SMAP2: variants seen among roughly 807,000 people sequenced by gnomAD.
SMAP2 encodes stromal membrane-associated protein 2.
A neutral mutation model predicts 56.4 loss-of-function variants in SMAP2; 25 were observed. The observed-to-expected ratio is 0.44, with a 90% CI of 0.32 to 0.62. The LOEUF is 0.62. SMAP2 is among the 20% of genes least tolerant of loss of function. The pLI, the probability that SMAP2 is intolerant of heterozygous loss-of-function variation, is 0.04. For missense variants in SMAP2, 388 were observed against 545.6 expected, an observed-to-expected ratio of 0.71 and a Z score of 2.88; for synonymous variants, 157 against 181.7, an observed-to-expected ratio of 0.86 and a Z score of 1.09.
chr1:40,350,273 C>T (rs1569812916), intron 1 of SMAP2, among the ~76,000 whole-genome samples: 1 of 152,220 alleles, frequency 6.6e-6, no homozygotes, highest in South Asian at 2.1e-4. Flanking sequence ...CCAAACAGAA[C>T]AAACAGGACA....
intron 1 of SMAP2, among the ~76,000 whole-genome samples, chr1:40,357,329 C>T (rs565039917): frequency 6.6e-6 from 1 of 152,102 alleles, no homozygotes; most frequent in Non-Finnish European, 1.5e-5. Flanking sequence ...GTGACGTGTG[C>T]CTGTAGTCCT....
At chr1:40,406,982 T>C (rs1644891573) in intron 2 of SMAP2, 113 bp downstream of exon 2, 3 of 1,147,026 alleles carry the variant, frequency 2.6e-6, no homozygotes, top group Non-Finnish European at 2.4e-6. Context: ...ATTTAGTTGT[T>C]AAACACTTAA....
In SMAP2 at chr1:40,422,160, C is replaced by A; in HGVS notation, c.*59C>A. 5.0e-6 allele frequency: 8 copies of A among 1,599,032 alleles called. No individual in the cohort carries two copies. The highest frequency in any genetic ancestry group is 6.8e-6 in the Non-Finnish European group (8 of 1,173,062). On this transcript the variant is annotated 3_prime_UTR_variant, in exon 10 of 10. Transcript: ENST00000372718. Reference sequence around the variant, plus strand: ...AGCCCTCGCTCTCCCCTTTCCACAGCCTCCACCCCTGACCCCCATCCTCTT... The same window carrying A: ...AGCCCTCGCTCTCCCCTTTCCACAGACTCCACCCCTGACCCCCATCCTCTT...
chr1:40,422,841 C>T lies in SMAP2; in HGVS notation c.*740C>T, dbSNP rs1323673413. The T allele has an allele frequency of 6.5e-6, 1 of 152,968 alleles. No individual in the cohort carries two copies. Among genetic ancestry groups the T allele is most frequent in the African/African-American group, 2.4e-5 (1 of 41,406 alleles). The allele number at this position is 152,968 out of a possible 1,614,324, so 9.5% of individuals were successfully genotyped here. On this transcript the variant is annotated 3_prime_UTR_variant, in exon 10 of 10. Coordinates refer to ENST00000372718, the MANE Select transcript of SMAP2 (RefSeq NM_022733.3). ...AGGATCTGGCTCCGTGGCTGGAGGA[C>T]CAACCCCTATAGTGGGAATGCAGAG...
intron 1 of SMAP2, among the ~76,000 whole-genome samples, chr1:40,350,351 T>C (rs139449973): frequency 1.5e-4 from 23 of 152,212 alleles, no homozygotes; most frequent in African/African-American, 5.5e-4. Flanking sequence ...CACCAGATCT[T>C]GTTGGGGATT....
At chr1:40,412,303 C>T (rs1644943772) in intron 4 of SMAP2, among the ~76,000 whole-genome samples, 1 of 152,176 alleles carries the variant, frequency 6.6e-6, no homozygotes, top group Admixed American at 6.5e-5. Context: ...ACTCTCTCTT[C>T]TCAGCATTGT....
At chr1:40,395,864 T>G (rs1644765912) in intron 1 of SMAP2, among the ~76,000 whole-genome samples, 1 of 152,218 alleles carries the variant, frequency 6.6e-6, no homozygotes, top group Non-Finnish European at 1.5e-5. Flanking sequence ...GAAAAGCCAT[T>G]TTAAGTTAAC....
At position 40,374,435 on chromosome 1, in the gene SMAP2, G is replaced by T. The variant is rs1170615284; in HGVS notation, c.103+212G>T. On this transcript the variant is annotated intron_variant, in intron 1 of 9. Transcript: ENST00000372718. The surrounding 1 kb of genome is among the most constrained non-coding windows in gnomAD (Gnocchi z 5.9). ...AGGGCGAGTCTGTGTGTGTCGGGGA[G>T]GGTGGAGGTGATGGTGCGGGTGGAA... Among the ~76,000 whole-genome samples the T allele has an allele frequency of 1.3e-5, 2 of 152,118 alleles. No homozygotes were observed. The highest frequency in any genetic ancestry group is 4.8e-5 in the African/African-American group (2 of 41,412).
rs7521856 is a variant in SMAP2, at chr1:40,348,474, C to A, written c.-83+3564C>A. On this transcript the variant is annotated intron_variant, in intron 1 of 6. Transcript: ENST00000435168. ...CTTTGGGAGGCCGAGGTGGGTGGAT[C>A]ACCTGAGGTCAGGAGTTTGAGACCA... Among the ~76,000 whole-genome samples the A allele has an allele frequency of 2.9e-3, 434 of 152,006 alleles. 3 individuals carry two copies. The East Asian group carries it at 0.034, about 12-fold the overall frequency.
chr1:40,398,880 A>G (rs1045961427), intron 1 of SMAP2, among the ~76,000 whole-genome samples: 5 of 152,240 alleles, frequency 3.3e-5, no homozygotes, highest in African/African-American at 9.6e-5. Flanking sequence ...CCGTGAGTAT[A>G]TGATAGTGAA....
In SMAP2 at chr1:40,373,856, GC is replaced by G. The variant is rs372645336; in HGVS notation, c.-264del. On this transcript the variant is annotated 5_prime_UTR_variant, in exon 1 of 10. Coordinates refer to ENST00000372718, the MANE Select transcript of SMAP2 (RefSeq NM_022733.3). The stretch of plus-strand genomic sequence containing the variant: ...AGGCTCGTGGTCCGCCTTTGCCTGG[GC>G]TGAGGGTCTCTGGCCCCGCAGCCTC... 1.5e-3 allele frequency: 561 copies of G among 365,182 alleles called. 2 individuals are homozygous for G. Among genetic ancestry groups the G allele is most frequent in the African/African-American group, 0.011 (521 of 46,060 alleles). The allele number at this position is 365,182 out of a possible 1,614,324, so 22.6% of individuals were successfully genotyped here. A position where few individuals can be genotyped will look rare whatever the true frequency, so the allele number is the denominator to read the frequency against.
Position 40,408,620 on chromosome 1 carries a change from C to T in SMAP2, c.238-33C>T, listed in dbSNP as rs754007208. ...GTTTTTCAGTTCTTTCTTGATCTGA[C>T]GTTCCATGTTTCTACATTCTCTTTG... On this transcript the variant is annotated intron_variant, in intron 2 of 9. Coordinates refer to ENST00000372718, the MANE Select transcript of SMAP2 (RefSeq NM_022733.3). This position sits in a 1 kb window ranked among gnomAD's most constrained non-coding sequence, Gnocchi z 4.3. 9.5e-6 allele frequency: 15 copies of T among 1,574,758 alleles called. No individual in the cohort carries two copies. Among genetic ancestry groups the T allele is most frequent in the Admixed American group, 6.7e-5 (4 of 59,784 alleles).
Position 40,416,257 on chromosome 1 carries a change from T to A in SMAP2, c.763T>A (p.Ser255Thr). 6.2e-7 allele frequency: 1 copy of A among 1,613,712 alleles called. No individual in the cohort carries two copies. The highest frequency in any genetic ancestry group is 8.5e-7 in the Non-Finnish European group (1 of 1,179,940). The change falls in exon 8 of 10, where the codon TCA (serine) becomes ACA (threonine). Residue 255 changes from serine to threonine, a missense_variant. Physicochemically the swap from Ser to Thr is moderately conservative, Grantham distance 58. Coordinates refer to ENST00000372718, the MANE Select transcript of SMAP2 (RefSeq NM_022733.3). ...CCTGTTTCCGGAGCCAGGGAGCAAATCAGAAGAAATAGGCAAGAAACAGCT... is the reference window on the plus strand; with the variant it reads ...CCTGTTTCCGGAGCCAGGGAGCAAAACAGAAGAAATAGGCAAGAAACAGCT... ...LNLFPEPGSK[S>T]EEIGKKQLSK... is the part of the protein sequence containing the mutation.
chr1:40,384,114 T>G (rs1208470043), intron 1 of SMAP2, among the ~76,000 whole-genome samples: 1 of 152,152 alleles, frequency 6.6e-6, no homozygotes, highest in Non-Finnish European at 1.5e-5. Context: ...GCCAGGCTGG[T>G]CTCAAACTCC....
intron 1 of SMAP2, chr1:40,393,537 C>G (rs182492686): frequency 1.1e-3 from 1,093 of 954,560 alleles, no homozygotes; most frequent in Non-Finnish European, 1.5e-3. Flanking sequence ...AGTAGTTCTT[C>G]TAACTTTTTT....
At chr1:40,377,859 G>T (rs777238646) in intron 1 of SMAP2, among the ~76,000 whole-genome samples, 1 of 152,080 alleles carries the variant, frequency 6.6e-6, no homozygotes, top group Non-Finnish European at 1.5e-5. Context: ...TGGTATCCAG[G>T]GGGGATTGGT....
chr1:40,347,697 T>A lies in SMAP2; in HGVS notation c.-83+2787T>A, dbSNP rs565427849. Among the ~76,000 whole-genome samples, 4 of 152,298 alleles carry A rather than the reference T, an allele frequency of 2.6e-5. No homozygotes were observed. The South Asian group carries it at 6.2e-4, about 24-fold the overall frequency. On this transcript the variant is annotated intron_variant, in intron 1 of 6. Transcript: ENST00000435168. Reference sequence around the variant, plus strand: ...TTCAGATAATTCTTTGTTCATTTTTTTGTTGGAGGGTATTTTTATTGGTTT... The same window carrying A: ...TTCAGATAATTCTTTGTTCATTTTTATGTTGGAGGGTATTTTTATTGGTTT...
intron 2 of SMAP2, among the ~76,000 whole-genome samples, chr1:40,407,377 G>A (rs1644895328): frequency 6.6e-6 from 1 of 152,218 alleles, no homozygotes; most frequent in South Asian, 2.1e-4. Context: ...TGTAATCCCA[G>A]CAGTTTGGGA....
intron 1 of SMAP2, among the ~76,000 whole-genome samples, chr1:40,377,715 A>G (rs1644554019): frequency 6.6e-6 from 1 of 152,170 alleles, no homozygotes; most frequent in Admixed American, 6.5e-5. Context: ...ATACTGGTCC[A>G]AGTTTTAACT....
Sources: gnomAD v4.1 joint callset for allele counts (sites outside exome capture counted in the v4.1 genomes callset) on GRCh38, gnomAD v4.1.1 for gene constraint, Gnocchi (gnomAD v3.1) non-coding constraint, MANE v1.5 for transcripts, NCBI Gene and HGNC (gene_info 2026-07-23, HGNC 2026-07-21) for gene names.